Variants in DOCK4 observed in about 807,000 individuals in gnomAD.
DOCK4 encodes the protein dedicator of cytokinesis protein 4.
A neutral mutation model predicts 268.1 loss-of-function variants in DOCK4; 97 were observed. That is an observed-to-expected ratio of 0.36 (90% CI 0.31 to 0.43). The LOEUF is 0.43. DOCK4 is among the 20% of genes least tolerant of loss of function. The probability of loss-of-function intolerance (pLI) is 1.00; values close to 1 mark genes in which losing one functional copy is unlikely to be tolerated. For synonymous variants in DOCK4, 954 were observed against 887.2 expected, an observed-to-expected ratio of 1.08 and a Z score of -1.34; for missense variants, 2,145 against 2,455.7, an observed-to-expected ratio of 0.87 and a Z score of 2.67.
At chr7:112,006,916 G>A (rs969611861) in intron 1 of DOCK4, among the ~76,000 whole-genome samples, 82 of 152,150 alleles carry the variant, frequency 5.4e-4, no homozygotes, top group African/African-American at 2.0e-3. Context: ...TCCACACACT[G>A]CCCTATGCTC....
At chr7:111,934,528 T>TGTTTTTG (rs3055679) in intron 12 of DOCK4, among the ~76,000 whole-genome samples, 3 of 132,520 alleles carry the variant, frequency 2.3e-5, no homozygotes, top group Admixed American at 7.5e-5. Flanking sequence ...TTTTTGTTTT[T>TGTTTTTG]TTTTTTTTTT....
chr7:111,832,795 C>T (rs981588334), intron 26 of DOCK4, among the ~76,000 whole-genome samples: 14 of 152,236 alleles, frequency 9.2e-5, no homozygotes, highest in African/African-American at 2.7e-4. Flanking sequence ...GCTGGGATTA[C>T]AGGCCTGAGC....
intron 1 of DOCK4, among the ~76,000 whole-genome samples, chr7:112,086,432 T>C (rs1809099687): frequency 6.6e-6 from 1 of 151,988 alleles, no homozygotes; most frequent in Admixed American, 6.6e-5. Context: ...AACAGGAGAG[T>C]CAATGAAACA....
At chr7:111,730,330 T>A (rs1173588666) in intron 52 of DOCK4, among the ~76,000 whole-genome samples, 1 of 152,230 alleles carries the variant, frequency 6.6e-6, no homozygotes. Flanking sequence ...TTTTCCAAAC[T>A]TACTTGACTA....
At chr7:112,200,049 C>T (rs1415317150) in intron 1 of DOCK4, among the ~76,000 whole-genome samples, 1 of 152,136 alleles carries the variant, frequency 6.6e-6, no homozygotes, top group Non-Finnish European at 1.5e-5. Context: ...TAACCACCAC[C>T]ACCATCAACT....
chr7:112,124,445 C>T (rs1334647628), intron 1 of DOCK4, among the ~76,000 whole-genome samples: 1 of 152,158 alleles, frequency 6.6e-6, no homozygotes, highest in Non-Finnish European at 1.5e-5. Flanking sequence ...ATGAATTGAC[C>T]AGAGTATTCT....
chr7:111,771,342 A>T (rs940279767), intron 36 of DOCK4, among the ~76,000 whole-genome samples: 1 of 152,222 alleles, frequency 6.6e-6, no homozygotes, highest in African/African-American at 2.4e-5. Flanking sequence ...ACTTTCCAGG[A>T]ATGAGCAAGA....
intron 1 of DOCK4, among the ~76,000 whole-genome samples, chr7:112,140,439 G>A (rs1050401513): frequency 6.6e-6 from 1 of 152,060 alleles, no homozygotes; most frequent in Non-Finnish European, 1.5e-5. Flanking sequence ...GAGCTGTTGG[G>A]TTTTGGGGGT....
chr7:111,905,600 G>T (rs1207923972), intron 13 of DOCK4, among the ~76,000 whole-genome samples: 3 of 152,054 alleles, frequency 2.0e-5, no homozygotes, highest in South Asian at 4.1e-4. Flanking sequence ...CTTGGATAAA[G>T]GATACAGCGC....
At chr7:111,737,576 T>C (rs571109602) in intron 49 of DOCK4, among the ~76,000 whole-genome samples, 22 of 152,324 alleles carry the variant, frequency 1.4e-4, no homozygotes, top group Non-Finnish European at 2.4e-4. Context: ...AAAAAATATA[T>C]GAAATAATTG....
chr7:112,089,930 G>C (rs1038350007), intron 1 of DOCK4, among the ~76,000 whole-genome samples: 7 of 152,256 alleles, frequency 4.6e-5, no homozygotes, highest in Admixed American at 2.6e-4. Flanking sequence ...GACTAATACA[G>C]TGTTAAATGC....
chr7:112,075,948 G>T (rs1457734537), intron 1 of DOCK4, among the ~76,000 whole-genome samples: 1 of 152,056 alleles, frequency 6.6e-6, no homozygotes, highest in Non-Finnish European at 1.5e-5. Flanking sequence ...TACACTATCT[G>T]ATATTTTATC....
chr7:111,818,897 C>A (rs971984158), intron 27 of DOCK4, among the ~76,000 whole-genome samples: 1 of 152,166 alleles, frequency 6.6e-6, no homozygotes, highest in Non-Finnish European at 1.5e-5. Context: ...ATGAAAGACC[C>A]CTCCTATTCT....
chr7:112,086,524 C>T (rs1435962856), intron 1 of DOCK4, among the ~76,000 whole-genome samples: 1 of 152,130 alleles, frequency 6.6e-6, no homozygotes, highest in Non-Finnish European at 1.5e-5. Context: ...CTTCTCCTTA[C>T]TGTCAAAACT....
chr7:112,201,114 G>C (rs922173372), intron 1 of DOCK4, among the ~76,000 whole-genome samples: 3 of 152,100 alleles, frequency 2.0e-5, no homozygotes, highest in African/African-American at 4.8e-5. Flanking sequence ...AAAAAACTAA[G>C]AGTAAAGGAA....
In DOCK4 at chr7:111,742,022, T is replaced by C; in HGVS notation, c.4788A>G (p.Leu1596=). The change falls in exon 45 of 53, where the codon TTA becomes TTG. Residue 1596 remains leucine (L), a synonymous_variant. Coordinates refer to ENST00000428084, the MANE Select transcript of DOCK4 (RefSeq NM_001363540.2). The part of the protein sequence containing the change: ...VDQFFVMKSS[L]GIQEFSACMQ... The stretch of plus-strand genomic sequence containing the variant: ...ACCTAAGTATACATACCTGTATCCC[T>C]AAGCTCGACTTCATCACAAAGAATT... 6.2e-7 allele frequency: 1 copy of C among 1,601,312 alleles called. No individual in the cohort carries two copies.
rs36018254 is a variant in DOCK4, at chr7:111,876,129, G to T, written c.1744+901C>A. On this transcript the variant is annotated intron_variant, in intron 17 of 52. Transcript: ENST00000428084. ...CATTTATTGAGTTATGCCAATGGAG[G>T]TTTTATTTAAGTAAAATTAACTACT... Among the ~76,000 whole-genome samples the T allele has an allele frequency of 3.3e-3, 503 of 152,244 alleles. 2 individuals carry two copies. Among genetic ancestry groups the T allele is most frequent in the Non-Finnish European group, 4.8e-3 (328 of 68,012 alleles).
intron 30 of DOCK4, among the ~76,000 whole-genome samples, chr7:111,793,755 C>A (rs949919652): frequency 6.6e-6 from 1 of 152,118 alleles, no homozygotes; most frequent in Non-Finnish European, 1.5e-5. Context: ...TGGTTCAACG[C>A]CTGCAGTCCC....
chr7:111,827,506 C>T (rs564979380), intron 26 of DOCK4, among the ~76,000 whole-genome samples: 1 of 152,026 alleles, frequency 6.6e-6, no homozygotes, highest in East Asian at 1.9e-4. Context: ...TTATTGCACG[C>T]TATCAGAGAG....
Sources: allele counts gnomAD v4.1 joint callset (sites outside exome capture counted in the v4.1 genomes callset), GRCh38; gene constraint gnomAD v4.1.1; transcripts MANE v1.5; gene names NCBI Gene and HGNC (gene_info 2026-07-23, HGNC 2026-07-21).